Variants in ATF7IP observed in about 807,000 individuals in gnomAD.
The protein encoded by ATF7IP is activating transcription factor 7 interacting protein, also known as activating transcription factor 7-interacting protein 1.
A neutral mutation model predicts 106.4 loss-of-function variants in ATF7IP; 23 were observed. The observed-to-expected ratio is 0.22, with a 90% CI of 0.16 to 0.31. ATF7IP has a LOEUF of 0.31. Among genes scored for constraint, ATF7IP ranks in the 10% least tolerant of loss-of-function variants. The pLI is 1.00. For missense variants in ATF7IP, 1,334 were observed against 1,524.3 expected (o/e 0.88, Z 2.08); for synonymous variants, 542 against 539.0 (o/e 1.01, Z -0.08).
At chr12:14,415,793 T>C (rs1200563146) in intron 1 of ATF7IP, among the ~76,000 whole-genome samples, 1 of 151,776 alleles carries the variant, frequency 6.6e-6, no homozygotes, top group Non-Finnish European at 1.5e-5. Context: ...TCTGTTTACA[T>C]AGCCTTTATG....
At position 14,436,159 on chromosome 12, in the gene ATF7IP, T is replaced by C. The variant is rs1387642409; in HGVS notation, c.1699T>C (p.Ser567Pro). Residue 567 changes from serine (S) to proline (P), a missense_variant, in exon 4 of 15, where the codon TCT becomes CCT. Transcript: ENST00000261168. ...ATCAGAAGACATGGACAATGTACAGTCTAAACGTCGTCGATATATGGAAGA... is the reference window on the plus strand; with the variant it reads ...ATCAGAAGACATGGACAATGTACAGCCTAAACGTCGTCGATATATGGAAGA... ...SKSEDMDNVQ[S>P]KRRRYMEEEY... 1 of 1,613,734 alleles carries C rather than the reference T, an allele frequency of 6.2e-7. No homozygotes were observed.
intron 2 of ATF7IP, among the ~76,000 whole-genome samples, chr12:14,431,632 G>A (rs1325911084): frequency 6.6e-6 from 1 of 152,030 alleles, no homozygotes; most frequent in Non-Finnish European, 1.5e-5. Context: ...CTGACCTTGT[G>A]ATCCGCCCGC....
At chr12:14,406,043 A>G (rs1450632014) in intron 1 of ATF7IP, among the ~76,000 whole-genome samples, 1 of 152,192 alleles carries the variant, frequency 6.6e-6, no homozygotes, top group Non-Finnish European at 1.5e-5. Context: ...AAATTCCAAG[A>G]CATGTTTAAA....
chr12:14,395,261 T>C (rs1939771865), intron 1 of ATF7IP: 1 of 152,056 alleles, frequency 6.6e-6, no homozygotes, highest in South Asian at 2.1e-4. Context: ...AGGTAAGAGA[T>C]TCAGGTCCTT....
chr12:14,403,368 C>T (rs1308852805), intron 1 of ATF7IP, among the ~76,000 whole-genome samples: 3 of 151,680 alleles, frequency 2.0e-5, no homozygotes, highest in Non-Finnish European at 2.9e-5. Context: ...AGTAGTTAAC[C>T]AGGAATATGA....
rs61754407 is a variant in ATF7IP at position 14,460,766 on chromosome 12, A to G, written c.2430A>G (p.Pro810=). 0.014 allele frequency: 22,465 copies of G among 1,614,232 alleles called. 353 individuals carry two copies. Among genetic ancestry groups the G allele is most frequent in the South Asian group, 0.051 (4,641 of 91,090 alleles). The change falls in exon 9 of 15, where the codon CCA becomes CCG. Residue 810 remains proline, a synonymous_variant. Coordinates refer to ENST00000261168, the MANE Select transcript of ATF7IP (RefSeq NM_018179.5). The stretch of plus-strand genomic sequence containing the variant: ...CAGGGACTTTGGTGACTAATCAACC[A>G]TCTGGCAATGTTGAATTCATTTCTG... ...SHPGTLVTNQ[P]SGNVEFISVQ...
chr12:14,502,608 G>T lies in ATF7IP; in HGVS notation c.*4535G>T, dbSNP rs909865275. 1.2e-4 allele frequency: 18 copies of T among 152,064 alleles called. No homozygotes were observed. Among genetic ancestry groups the T allele is most frequent in the African/African-American group, 3.4e-4 (14 of 41,416 alleles). 9.4% of individuals were successfully genotyped at this position (152,064 alleles called of 1,614,324 possible). A position where few individuals can be genotyped will look rare whatever the true frequency, so the allele number is the denominator to read the frequency against. On this transcript the variant is annotated 3_prime_UTR_variant, in exon 15 of 15. Transcript: ENST00000261168. ...ACACCTTTTGGGGATTCTGGCTTTA[G>T]TATTTTATCAGCCATTTTAAAATTA... is the stretch of plus-strand genomic sequence containing the variant.
intron 14 of ATF7IP, 64 bp downstream of exon 14, chr12:14,496,407 T>A (rs1231233935): frequency 3.6e-6 from 4 of 1,117,556 alleles, no homozygotes; most frequent in African/African-American, 1.6e-5. Context: ...TTATTGTATT[T>A]GGCATTTTTC....
At chr12:14,429,966 A>G (rs573232454) in intron 2 of ATF7IP, among the ~76,000 whole-genome samples, 1 of 152,308 alleles carries the variant, frequency 6.6e-6, no homozygotes, top group Admixed American at 6.5e-5. Context: ...CAGATCAGAG[A>G]CTTGACTTGT....
At chr12:14,490,664 G>T (rs1010973715) in intron 13 of ATF7IP, among the ~76,000 whole-genome samples, 1 of 152,158 alleles carries the variant, frequency 6.6e-6, no homozygotes, top group South Asian at 2.1e-4. Flanking sequence ...ATCTTCCACT[G>T]TCAAGTGATC....
intron 1 of ATF7IP, among the ~76,000 whole-genome samples, chr12:14,371,221 A>G (rs1177533119): frequency 6.6e-6 from 1 of 152,114 alleles, no homozygotes; most frequent in Non-Finnish European, 1.5e-5. Context: ...TTTTTATTGA[A>G]CTAAACTTGT....
chr12:14,416,792 A>T (rs1941227516), intron 1 of ATF7IP: 1 of 401,356 alleles, frequency 2.5e-6, no homozygotes, highest in South Asian at 1.0e-4. Context: ...TGTGACACTG[A>T]TGTCTGATTG....
chr12:14,405,272 A>G (rs2136477809), intron 1 of ATF7IP, among the ~76,000 whole-genome samples: 1 of 152,258 alleles, frequency 6.6e-6, no homozygotes, highest in East Asian at 1.9e-4. Flanking sequence ...ATAAAAAATA[A>G]TTTTAATTAG....
At chr12:14,468,892 A>G (rs1423613471) in intron 10 of ATF7IP, among the ~76,000 whole-genome samples, 2 of 152,198 alleles carry the variant, frequency 1.3e-5, no homozygotes, top group African/African-American at 4.8e-5. Flanking sequence ...ACTATTGACT[A>G]AGAAGTTGTT....
rs1047100233 is a variant in ATF7IP at position 14,498,193 on chromosome 12, G to A, written c.*120G>A. 2.1e-5 allele frequency: 19 copies of A among 920,478 alleles called. No individual in the cohort carries two copies. In the African/African-American group the frequency reaches 2.6e-4, roughly 13 times the overall value. 57.0% of individuals were successfully genotyped at this position (920,478 alleles called of 1,614,324 possible). A position where few individuals can be genotyped will look rare whatever the true frequency, so the allele number is the denominator to read the frequency against. ...TGCAAGATTTCTTGGACAGATGTGT[G>A]TATACACTACATTTGTTTATAACCA... On this transcript the variant is annotated 3_prime_UTR_variant, in exon 15 of 15. Transcript: ENST00000261168.
Position 14,416,014 on chromosome 12 carries a change from A to G in ATF7IP, c.-7-7895A>G, listed in dbSNP as rs1941186414. Reference sequence around the variant, plus strand: ...TTTCAAAATCTTTATACTAAATTTGAGCAGATAAGTATCAAAGTGAGTGAA... The same window carrying G: ...TTTCAAAATCTTTATACTAAATTTGGGCAGATAAGTATCAAAGTGAGTGAA... On this transcript the variant is annotated intron_variant, in intron 1 of 14. Transcript: ENST00000261168. Among the ~76,000 whole-genome samples the G allele has an allele frequency of 2.0e-5, 3 of 152,290 alleles. No homozygotes were observed. In the South Asian group the frequency reaches 6.2e-4, roughly 32 times the overall value.
chr12:14,380,171 T>A (rs1248318703), intron 1 of ATF7IP, among the ~76,000 whole-genome samples: 4 of 152,206 alleles, frequency 2.6e-5, no homozygotes. Flanking sequence ...TCTATAGCAT[T>A]CTATTCTTGA....
At position 14,456,410 on chromosome 12, in the gene ATF7IP, A is replaced by T. The variant is rs60987336; in HGVS notation, c.1996-151A>T. On this transcript the variant is annotated intron_variant, in intron 6 of 14. Transcript: ENST00000261168. The stretch of plus-strand genomic sequence containing the variant: ...ACAATGAACAAGTGATAATGCCAAG[A>T]TTCAAATTATTGTCTCAGCTGGCAA... 3,618 of 574,984 alleles carry T rather than the reference A, an allele frequency of 6.3e-3. 106 individuals carry two copies. The highest frequency in any genetic ancestry group is 0.062 in the African/African-American group (3,292 of 53,212). 35.6% of individuals were successfully genotyped at this position (574,984 alleles called of 1,614,324 possible).
At chr12:14,456,710 C>G (rs1166896203) in intron 7 of ATF7IP, 76 bp downstream of exon 7, 6 of 1,044,826 alleles carry the variant, frequency 5.7e-6, no homozygotes, top group Non-Finnish European at 8.7e-6. Flanking sequence ...AAGAATCTTG[C>G]AGTGTAATCA....
Sources: gnomAD v4.1 joint callset for allele counts (sites outside exome capture counted in the v4.1 genomes callset) on GRCh38, gnomAD v4.1.1 for gene constraint, MANE v1.5 for transcripts, NCBI Gene and HGNC (gene_info 2026-07-23, HGNC 2026-07-21) for gene names.